Variants in RGS9 observed in about 807,000 individuals in gnomAD.
RGS9 encodes regulator of G-protein signalling 9.
A neutral mutation model predicts 102.0 loss-of-function variants in RGS9; 78 were observed. The ratio of observed to expected loss-of-function variants is 0.76; its 90% CI spans 0.64 to 0.92. The LOEUF is 0.92. RGS9 is among the 40% of genes least tolerant of loss of function. RGS9 has a pLI of 0.00. For synonymous variants in RGS9, 353 were observed against 318.6 expected (o/e 1.11, Z -1.15); for missense variants, 833 against 866.1 (o/e 0.96, Z 0.48).
intron 18 of RGS9, among the ~76,000 whole-genome samples, chr17:65,225,932 C>A (rs925765301): frequency 1.3e-5 from 2 of 152,218 alleles, no homozygotes; most frequent in Admixed American, 6.5e-5. Context: ...TCCCTTCCCC[C>A]ACCCTAAGGA....
chr17:65,180,838 C>T (rs1911856859), intron 9 of RGS9, among the ~76,000 whole-genome samples: 1 of 152,140 alleles, frequency 6.6e-6, no homozygotes, highest in Non-Finnish European at 1.5e-5. Flanking sequence ...GTCTGTTGTT[C>T]CCTTCTTTGT....
In RGS9 at chr17:65,145,044, A is replaced by G. The variant is rs144699579; in HGVS notation, c.57+7447A>G. The stretch of plus-strand genomic sequence containing the variant: ...ATCTGTTCTCATAAAGACACTGGTC[A>G]TAGGGGATTAGGGTCCACTCCATGA... On this transcript the variant is annotated intron_variant, in intron 1 of 18. Transcript: ENST00000262406. Among the ~76,000 whole-genome samples, 191 of 152,218 alleles carry G rather than the reference A, an allele frequency of 1.3e-3. 2 individuals are homozygous for G. Among genetic ancestry groups the G allele is most frequent in the East Asian group, 3.9e-4 (2 of 5,190 alleles).
At chr17:65,190,929 A>G (rs1011040299) in intron 11 of RGS9, among the ~76,000 whole-genome samples, 3 of 152,238 alleles carry the variant, frequency 2.0e-5, no homozygotes, top group African/African-American at 7.2e-5. Flanking sequence ...TGTAAGACTC[A>G]AGTCATGGTA....
At chr17:65,147,165 A>G (rs1910396011) in intron 1 of RGS9, among the ~76,000 whole-genome samples, 1 of 152,184 alleles carries the variant, frequency 6.6e-6, no homozygotes, top group South Asian at 2.1e-4. Context: ...GCCAAGGACT[A>G]TGGCTCTGAG....
intron 17 of RGS9, among the ~76,000 whole-genome samples, chr17:65,212,274 C>A (rs1387973981): frequency 6.6e-6 from 1 of 152,142 alleles, no homozygotes; most frequent in African/African-American, 2.4e-5. Flanking sequence ...TTCAAAGTCT[C>A]GTTGCAAAAG....
chr17:65,203,417 C>T (rs775084746), intron 14 of RGS9, among the ~76,000 whole-genome samples: 2 of 152,162 alleles, frequency 1.3e-5, no homozygotes, highest in East Asian at 1.9e-4. Flanking sequence ...ACAGGAAGCC[C>T]GCTGCCTCTG....
intron 7 of RGS9, among the ~76,000 whole-genome samples, chr17:65,166,828 G>C (rs777449819): frequency 2.0e-5 from 3 of 152,198 alleles, no homozygotes; most frequent in South Asian, 4.1e-4. Flanking sequence ...CAGTTAGGCT[G>C]TCAGGGGGAA....
chr17:65,218,960 G>A (rs1514501), intron 17 of RGS9, among the ~76,000 whole-genome samples: 2,747 of 152,340 alleles, frequency 0.018, 86 homozygotes, highest in African/African-American at 0.063. Flanking sequence ...TTATAGGGAA[G>A]CCACATAATG....
At chr17:65,186,228 G>A (rs150392511) in intron 9 of RGS9, among the ~76,000 whole-genome samples, 204 of 149,136 alleles carry the variant, frequency 1.4e-3, no homozygotes, top group African/African-American at 4.6e-3. Flanking sequence ...ATGGAGTCTC[G>A]CTCTGTGGCC....
At chr17:65,172,122 G>A (rs564795674) in intron 8 of RGS9, among the ~76,000 whole-genome samples, 2 of 152,310 alleles carry the variant, frequency 1.3e-5, no homozygotes, top group South Asian at 4.1e-4. Context: ...TTAACATGAT[G>A]GAACATTGTG....
chr17:65,166,830 CA>C (rs1216901353), intron 7 of RGS9, among the ~76,000 whole-genome samples: 8 of 152,156 alleles, frequency 5.3e-5, no homozygotes, highest in Admixed American at 1.3e-4. Context: ...GTTAGGCTGT[CA>C]GGGGGAAGTT....
chr17:65,143,625 T>TACAC (rs539811474), intron 1 of RGS9, among the ~76,000 whole-genome samples: 3 of 150,020 alleles, frequency 2.0e-5, no homozygotes, highest in African/African-American at 7.3e-5. Flanking sequence ...CTACCAAAAA[T>TACAC]ACACACACAC....
chr17:65,151,681 T>A (rs150857702), intron 1 of RGS9, among the ~76,000 whole-genome samples: 14 of 151,586 alleles, frequency 9.2e-5, no homozygotes, highest in African/African-American at 3.4e-4. Flanking sequence ...CAGAAGTGGC[T>A]TCTTCTTTGC....
intron 9 of RGS9, among the ~76,000 whole-genome samples, chr17:65,182,704 T>C (rs1031305357): frequency 1.3e-5 from 2 of 152,220 alleles, no homozygotes; most frequent in African/African-American, 4.8e-5. Context: ...GTTACGTGTT[T>C]CCAGTTCTGT....
At chr17:65,220,877 A>G (rs1175055570) in intron 17 of RGS9, among the ~76,000 whole-genome samples, 1 of 152,066 alleles carries the variant, frequency 6.6e-6, no homozygotes, top group Non-Finnish European at 1.5e-5. Flanking sequence ...AAACAGCAGC[A>G]TGAAACAAAA....
intron 9 of RGS9, among the ~76,000 whole-genome samples, chr17:65,183,824 C>G (rs908089): frequency 6.6e-6 from 1 of 152,172 alleles, no homozygotes; most frequent in East Asian, 1.9e-4. Context: ...GCACTCCTGC[C>G]GGTGGCCTGA....
chr17:65,171,212 C>T (rs531692068), intron 8 of RGS9, among the ~76,000 whole-genome samples: 3 of 152,246 alleles, frequency 2.0e-5, no homozygotes, highest in Admixed American at 6.5e-5. Flanking sequence ...CTTCGTTGAG[C>T]CTTGACTTTG....
chr17:65,191,975 G>C (rs1182166975), intron 11 of RGS9, among the ~76,000 whole-genome samples: 2 of 152,192 alleles, frequency 1.3e-5, no homozygotes, highest in African/African-American at 4.8e-5. Flanking sequence ...CCCACCTACG[G>C]GGAGGAGGCA....
At chr17:65,151,246 G>A (rs376361419) in intron 1 of RGS9, among the ~76,000 whole-genome samples, 220 of 151,980 alleles carry the variant, frequency 1.4e-3, no homozygotes, top group African/African-American at 4.6e-3. Flanking sequence ...TCGGGAGGCC[G>A]AGGTAGGACA....
Sources: allele counts gnomAD v4.1 joint callset (sites outside exome capture counted in the v4.1 genomes callset), GRCh38; gene constraint gnomAD v4.1.1; transcripts MANE v1.5; gene names NCBI Gene and HGNC (gene_info 2026-07-23, HGNC 2026-07-21).